The following COL17A1 variants were observed in gnomAD, a reference collection of about 807,000 sequenced individuals.
COL17A1 encodes the protein collagen alpha-1(XVII) chain.
COL17A1 carries 181 observed loss-of-function variants against 218.4 expected under a neutral mutation model. The ratio of observed to expected loss-of-function variants is 0.83; its 90% confidence interval spans 0.73 to 0.94. The LOEUF (loss-of-function observed/expected upper bound fraction) is 0.94, where lower values mean the gene tolerates loss of function less well. COL17A1 is among the 40% of genes least tolerant of loss of function. COL17A1 has a pLI of 0.00. For missense variants in COL17A1, 1,924 were observed against 1,945.9 expected, an observed-to-expected ratio of 0.99 and a Z score of 0.21; for synonymous variants, 721 against 731.0, an observed-to-expected ratio of 0.99 and a Z score of 0.22.
chr10:104,066,475 T>G (rs2086627237), intron 9 of COL17A1, among the ~76,000 whole-genome samples: 1 of 152,176 alleles, frequency 6.6e-6, no homozygotes, highest in Non-Finnish European at 1.5e-5. Flanking sequence ...TGCCAAGCTT[T>G]AATTCTCTAT....
intron 10 of COL17A1, 99 bp downstream of exon 10, chr10:104,064,339 G>A: frequency 1.9e-6 from 3 of 1,585,018 alleles, no homozygotes; most frequent in Non-Finnish European, 1.7e-6. Flanking sequence ...CTCTCCAGGA[G>A]GCCCTGAGGA....
intron 34 of COL17A1, 25 bp from the exon 35 acceptor site, chr10:104,043,606 A>G: frequency 6.2e-7 from 1 of 1,612,930 alleles, no homozygotes; most frequent in Non-Finnish European, 8.5e-7. Flanking sequence ...CACATGGAAC[A>G]TTGAGCCCTA....
Position 104,076,411 on chromosome 10 carries a change from T to C in COL17A1, c.221A>G (p.His74Arg). 1.2e-6 allele frequency: 2 copies of C among 1,614,068 alleles called. No homozygotes were observed. Among genetic ancestry groups the C allele is most frequent in the East Asian group, 4.5e-5 (2 of 44,880 alleles). ...YINSTGSTRG[H>R]ASTSSYRRAH... The stretch of plus-strand genomic sequence containing the variant: ...CCTCCTGTAACTAGAGGTGGAGGCA[T>C]GGCCTCGTGTGCTTCCAGCTGCAAG... Residue 74 changes from histidine (H) to arginine (R), a missense_variant, in exon 5 of 56, where the codon CAT becomes CGT. His to Arg is a conservative substitution (Grantham distance 29, BLOSUM62 0). Coordinates refer to ENST00000648076, the MANE Select transcript of COL17A1 (RefSeq NM_000494.4).
At chr10:104,047,168 C>T (rs959297626) in intron 31 of COL17A1, among the ~76,000 whole-genome samples, 6 of 152,054 alleles carry the variant, frequency 3.9e-5, no homozygotes, top group African/African-American at 9.7e-5. Flanking sequence ...CAGAGGCCCC[C>T]GATGAATGCC....
At chr10:104,039,790 A>G (rs1018057329) in intron 41 of COL17A1, 150 bp from the exon 42 acceptor site, 259 of 900,010 alleles carry the variant, frequency 2.9e-4, no homozygotes, top group Non-Finnish European at 4.0e-4. Flanking sequence ...ACACACACAC[A>G]CACACGCACA....
At position 104,076,405 on chromosome 10, in the gene COL17A1, G is replaced by A. The variant is rs372326256; in HGVS notation, c.227C>T (p.Ser76Phe). The A allele has an allele frequency of 6.2e-7, 1 of 1,614,134 alleles. No homozygotes were observed. Among genetic ancestry groups the A allele is most frequent in the African/African-American group, 1.3e-5 (1 of 75,022 alleles). Residue 76 changes from serine (S) to phenylalanine (F), a missense_variant, in exon 5 of 56, where the codon TCC (serine) becomes TTC (phenylalanine). Transcript: ENST00000648076. ...GTGAGCCCTCCTGTAACTAGAGGTGGAGGCATGGCCTCGTGTGCTTCCAGC... is the reference window on the plus strand; with the variant it reads ...GTGAGCCCTCCTGTAACTAGAGGTGAAGGCATGGCCTCGTGTGCTTCCAGC... The part of the protein sequence containing the change: ...NSTGSTRGHA[S>F]TSSYRRAHSP...
intron 13 of COL17A1, 62 bp from the exon 14 acceptor site, chr10:104,060,342 A>C (rs768043066): frequency 6.2e-6 from 10 of 1,603,264 alleles, no homozygotes; most frequent in African/African-American, 1.3e-5. Flanking sequence ...AGAGGGGAGA[A>C]AAGACAAGAA....
rs1844683510 is a variant in COL17A1, at chr10:104,031,610, C to G, written c.*625G>C. On this transcript the variant is annotated 3_prime_UTR_variant, in exon 56 of 56. Coordinates refer to ENST00000648076, the MANE Select transcript of COL17A1 (RefSeq NM_000494.4). ...AGTATGGGCCTACGGACAATCATAG[C>G]TACAATCAGACTTTCTAAGCAAATG... The G allele has an allele frequency of 6.5e-6, 1 of 154,242 alleles. No individual in the cohort carries two copies. The highest frequency in any genetic ancestry group is 1.4e-5 in the Non-Finnish European group (1 of 69,314). The allele number at this position is 154,242 out of a possible 1,614,324, so 9.6% of individuals were successfully genotyped here. A position where few individuals can be genotyped will look rare whatever the true frequency, so the allele number is the denominator to read the frequency against.
In COL17A1 at chr10:104,034,142, G is replaced by A. The variant is rs757977961; in HGVS notation, c.3959C>T (p.Ser1320Phe). The A allele has an allele frequency of 1.9e-6, 3 of 1,613,910 alleles. No homozygotes were observed. The highest frequency in any genetic ancestry group is 2.5e-6 in the Non-Finnish European group (3 of 1,180,016). Reference protein sequence around the residue: ...SMSTGGGGAGSLGAGGAFGEA... With the variant: ...SMSTGGGGAGFLGAGGAFGEA... ...ACCAAAGGCACCGCCTGCACCCAGGGAGCCTGCACCACCTCCTCCTGTGCT... is the reference window on the plus strand; with the variant it reads ...ACCAAAGGCACCGCCTGCACCCAGGAAGCCTGCACCACCTCCTCCTGTGCT... Residue 1320 changes from serine (S) to phenylalanine (F), a missense_variant, in exon 52 of 56, where the codon TCC becomes TTC. Physicochemically the swap from Ser to Phe is radical, Grantham distance 155. Transcript: ENST00000648076.
At chr10:104,047,075 C>A (rs539741879) in intron 31 of COL17A1, among the ~76,000 whole-genome samples, 1 of 152,202 alleles carries the variant, frequency 6.6e-6, no homozygotes. Context: ...TCAACACTCA[C>A]GGATCCCAAT....
At chr10:104,083,587 T>C (rs903289878) in intron 1 of COL17A1, among the ~76,000 whole-genome samples, 1 of 152,060 alleles carries the variant, frequency 6.6e-6, no homozygotes, top group African/African-American at 2.4e-5. Context: ...CTTTTATGAG[T>C]TTTTTCCTTT....
chr10:104,077,550 T>C lies in COL17A1; in HGVS notation c.98-24A>G, dbSNP rs767321931. ...TTCTGCCAGGAACAAAAGCAGGTGATAATTTCAGGGTGGAGTCAGGCCAGA... is the reference window on the plus strand; with the variant it reads ...TTCTGCCAGGAACAAAAGCAGGTGACAATTTCAGGGTGGAGTCAGGCCAGA... On this transcript the variant is annotated intron_variant, in intron 3 of 55. Transcript: ENST00000648076. 4.4e-6 allele frequency: 7 copies of C among 1,590,626 alleles called. No individual in the cohort carries two copies. In the South Asian group the frequency reaches 4.5e-5, roughly 10 times the overall value.
chr10:104,083,256 G>A (rs1468256492), intron 1 of COL17A1, among the ~76,000 whole-genome samples: 1 of 152,182 alleles, frequency 6.6e-6, no homozygotes, highest in Non-Finnish European at 1.5e-5. Context: ...TTAGGAAAAG[G>A]AACGTTTCCT....
chr10:104,033,016 G>A (rs1844709542), intron 53 of COL17A1, 48 bp from the exon 54 acceptor site: 1 of 1,596,796 alleles, frequency 6.3e-7, no homozygotes, highest in African/African-American at 1.3e-5. Flanking sequence ...TCACCTGGAA[G>A]CTTGGGACAT....
At chr10:104,043,731 C>A in intron 34 of COL17A1, 94 bp downstream of exon 34, 5 of 1,562,116 alleles carry the variant, frequency 3.2e-6, no homozygotes, top group Non-Finnish European at 4.4e-6. Context: ...CCAAAAAACT[C>A]CCAGCCACAT....
intron 44 of COL17A1, 62 bp from the exon 45 acceptor site, chr10:104,038,590 C>T: frequency 1.0e-5 from 16 of 1,597,458 alleles, no homozygotes; most frequent in Non-Finnish European, 1.1e-5. Flanking sequence ...CAAACGGGCC[C>T]AGGAATAGCT....
intron 53 of COL17A1, 134 bp downstream of exon 53, chr10:104,033,104 A>G (rs1844710722): frequency 4.6e-6 from 7 of 1,513,568 alleles, no homozygotes; most frequent in Middle Eastern, 1.7e-4. Context: ...TTCAGAATTT[A>G]TAGAATTTGT....
chr10:104,048,151 C>T lies in COL17A1; in HGVS notation c.2228-47G>A, dbSNP rs140657237. 8.8e-3 allele frequency: 14,096 copies of T among 1,605,928 alleles called. 92 individuals are homozygous for T. Among genetic ancestry groups the T allele is most frequent in the Middle Eastern group, 0.033 (200 of 6,050 alleles). On this transcript the variant is annotated intron_variant, in intron 29 of 55. Transcript: ENST00000648076. ...CTCTCAGTTGCTCCTGGAGTGATTT[C>T]TGCGATTCCTCCCTCTACTGTCCCA...
Position 104,056,065 on chromosome 10 carries a change from G to A in COL17A1, c.1466-62C>T, listed in dbSNP as rs1423365143. On this transcript the variant is annotated intron_variant, in intron 17 of 55. Coordinates refer to ENST00000648076, the MANE Select transcript of COL17A1 (RefSeq NM_000494.4). ...CCGGTCCTTCGCCTTCCATACACTC[G>A]CTCCTAGTGGAGAGCCTGACACAAG... The A allele has an allele frequency of 1.0e-5, 16 of 1,582,686 alleles. No individual in the cohort carries two copies. In the East Asian group the frequency reaches 1.1e-4, roughly 11 times the overall value.
Sources: gnomAD v4.1 joint callset for allele counts (sites outside exome capture counted in the v4.1 genomes callset) on GRCh38, gnomAD v4.1.1 for gene constraint, MANE v1.5 for transcripts, NCBI Gene and HGNC (gene_info 2026-07-23, HGNC 2026-07-21) for gene names.